Variants in MAGI2 observed in about 807,000 individuals in gnomAD.
MAGI2 encodes the protein membrane associated guanylate kinase, WW and PDZ domain containing 2.
In MAGI2, 35 loss-of-function variants were observed where a neutral mutation model predicts 133.3. The ratio of observed to expected loss-of-function variants is 0.26; its 90% confidence interval spans 0.20 to 0.35. MAGI2 has a LOEUF of 0.35. MAGI2 is among the 10% of genes least tolerant of loss of function. The probability of loss-of-function intolerance (pLI) is 1.00; values close to 1 mark genes in which losing one functional copy is unlikely to be tolerated. For missense variants in MAGI2, 1,636 were observed against 1,863.4 expected (o/e 0.88, Z 2.25); for synonymous variants, 729 against 710.6 (o/e 1.03, Z -0.41).
At chr7:78,628,087 G>A (rs1214917034) in intron 2 of MAGI2, among the ~76,000 whole-genome samples, 1 of 152,180 alleles carries the variant, frequency 6.6e-6, no homozygotes, top group African/African-American at 2.4e-5. Context: ...GCTCAGTCCA[G>A]CTCTCCTGAA....
At chr7:79,021,402 T>C (rs1160931823) in intron 1 of MAGI2, among the ~76,000 whole-genome samples, 1 of 152,218 alleles carries the variant, frequency 6.6e-6, no homozygotes, top group African/African-American at 2.4e-5. Flanking sequence ...GGAGGGGGCC[T>C]GTACCCTGAA....
At chr7:78,269,625 G>A (rs1324766995) in intron 9 of MAGI2, among the ~76,000 whole-genome samples, 2 of 151,998 alleles carry the variant, frequency 1.3e-5, no homozygotes, top group African/African-American at 4.8e-5. Flanking sequence ...CTTTTTGATG[G>A]GGTTGTTTGA....
At chr7:78,941,917 T>C (rs1801019344) in intron 2 of MAGI2, among the ~76,000 whole-genome samples, 1 of 152,022 alleles carries the variant, frequency 6.6e-6, no homozygotes, top group Non-Finnish European at 1.5e-5. Flanking sequence ...ATAAAACTCA[T>C]CTCCATCACA....
In MAGI2 at chr7:78,540,034, G is replaced by A. The variant is rs1021742775; in HGVS notation, c.539-18389C>T. ...GGTTGGCCTCCAGCCAGGAGGTGGCGCTTTCAAGAGCGCATCAGCTGTGAT... is the reference window on the plus strand; with the variant it reads ...GGTTGGCCTCCAGCCAGGAGGTGGCACTTTCAAGAGCGCATCAGCTGTGAT... On this transcript the variant is annotated intron_variant, in intron 3 of 21. Coordinates refer to ENST00000354212, the MANE Select transcript of MAGI2 (RefSeq NM_012301.4). Among the ~76,000 whole-genome samples, 9 of 152,210 alleles carry A rather than the reference G, an allele frequency of 5.9e-5. No homozygotes were observed. In the East Asian group the frequency reaches 7.7e-4, roughly 13 times the overall value.
intron 19 of MAGI2, among the ~76,000 whole-genome samples, chr7:78,126,345 C>T (rs1310926888): frequency 6.6e-6 from 1 of 152,142 alleles, no homozygotes; most frequent in Non-Finnish European, 1.5e-5. Flanking sequence ...TCTCTTTTAC[C>T]TAAAATGCAG....
intron 2 of MAGI2, among the ~76,000 whole-genome samples, chr7:78,827,112 A>G (rs148966769): frequency 7.5e-4 from 114 of 152,286 alleles, no homozygotes; most frequent in African/African-American, 2.6e-3. Flanking sequence ...AAATATTTAT[A>G]GATGTTTATA....
chr7:79,353,418 C>A (rs919933290), intron 1 of MAGI2: 2 of 454,930 alleles, frequency 4.4e-6, no homozygotes, highest in Non-Finnish European at 8.8e-6. Context: ...ATCAACAACT[C>A]CCAGAGCTTC....
chr7:79,399,090 C>CTTTTTTTTT lies in MAGI2; in HGVS notation c.301+53929_301+53930insAAAAAAAAA, dbSNP rs1337058211. Among the ~76,000 whole-genome samples, 74 of 101,456 alleles carry CTTTTTTTTT rather than the reference C, an allele frequency of 7.3e-4. 1 individual carries two copies. The highest frequency in any genetic ancestry group is 3.6e-3 in the African/African-American group (71 of 19,650). The allele number at this position is 101,456 out of a possible 152,430, so 66.6% of individuals were successfully genotyped here. A position where few individuals can be genotyped will look rare whatever the true frequency, so the allele number is the denominator to read the frequency against. On this transcript the variant is annotated intron_variant, in intron 1 of 21. Coordinates refer to ENST00000354212, the MANE Select transcript of MAGI2 (RefSeq NM_012301.4). ...CACTAGTATTATTTCTTTTTTTTTTCTTTTCTTTTTTTTTTTTTTTGGGAG... is the reference window on the plus strand; with the variant it reads ...CACTAGTATTATTTCTTTTTTTTTTCTTTTTTTTTTTTTCTTTTTTTTTTTTTTTGGGAG...
At chr7:79,250,348 C>CAAAAAAAAAAAAAAAAAA (rs61147108) in intron 1 of MAGI2, among the ~76,000 whole-genome samples, 1 of 130,530 alleles carries the variant, frequency 7.7e-6, no homozygotes, top group Admixed American at 7.6e-5. Flanking sequence ...ATGACTCTAC[C>CAAAAAAAAAAAAAAAAAA]AAAAAAAAAA....
chr7:78,402,424 G>T (rs1297384252), intron 6 of MAGI2, among the ~76,000 whole-genome samples: 2 of 151,774 alleles, frequency 1.3e-5, no homozygotes, highest in African/African-American at 4.8e-5. Context: ...TTTCCACCTG[G>T]GGTATGCATG....
At chr7:78,707,396 T>C (rs1467901085) in intron 2 of MAGI2, among the ~76,000 whole-genome samples, 1 of 152,262 alleles carries the variant, frequency 6.6e-6, no homozygotes, top group Non-Finnish European at 1.5e-5. Flanking sequence ...TTATTGGATA[T>C]GCCTAAATAT....
At chr7:78,964,319 A>G (rs943650117) in intron 2 of MAGI2, among the ~76,000 whole-genome samples, 1 of 151,998 alleles carries the variant, frequency 6.6e-6, no homozygotes, top group African/African-American at 2.4e-5. Flanking sequence ...ATATACTTTT[A>G]TAGCATACTT....
chr7:78,927,679 T>C (rs1461563463), intron 2 of MAGI2, among the ~76,000 whole-genome samples: 2 of 151,982 alleles, frequency 1.3e-5, no homozygotes, highest in Non-Finnish European at 2.9e-5. Flanking sequence ...AGATATCTCT[T>C]ACACAACTCC....
chr7:79,097,227 T>C (rs1817592051), intron 1 of MAGI2, among the ~76,000 whole-genome samples: 1 of 152,198 alleles, frequency 6.6e-6, no homozygotes, highest in Non-Finnish European at 1.5e-5. Flanking sequence ...AACTGAGACA[T>C]AGACATATCA....
chr7:79,392,407 G>C (rs1038523854), intron 1 of MAGI2, among the ~76,000 whole-genome samples: 4 of 152,072 alleles, frequency 2.6e-5, no homozygotes, highest in Admixed American at 6.6e-5. Context: ...TGGTATTTCT[G>C]GTTCTAGATC....
intron 11 of MAGI2, among the ~76,000 whole-genome samples, chr7:78,196,539 G>A (rs142639754): frequency 1.8e-4 from 27 of 152,194 alleles, no homozygotes; most frequent in East Asian, 1.7e-3. Flanking sequence ...CTATATTTTT[G>A]TCGGGGCTCT....
intron 20 of MAGI2, among the ~76,000 whole-genome samples, chr7:78,079,488 G>C (rs1815725010): frequency 6.6e-6 from 1 of 152,282 alleles, no homozygotes; most frequent in Non-Finnish European, 1.5e-5. Flanking sequence ...ATTGCCAACT[G>C]TCAACTTAGT....
intron 6 of MAGI2, among the ~76,000 whole-genome samples, chr7:78,395,213 C>CA (rs1404436693): frequency 1.3e-5 from 2 of 150,520 alleles, no homozygotes; most frequent in African/African-American, 4.9e-5. Context: ...ATGGGAAAAA[C>CA]AAAAAAGAAA....
chr7:78,232,737 C>T (rs370963117), intron 10 of MAGI2, among the ~76,000 whole-genome samples: 1 of 152,144 alleles, frequency 6.6e-6, no homozygotes. Flanking sequence ...ATGTGAGGTG[C>T]TGGGACAGTC....
Sources: gnomAD v4.1 joint callset for allele counts (sites outside exome capture counted in the v4.1 genomes callset) on GRCh38, gnomAD v4.1.1 for gene constraint, MANE v1.5 for transcripts, NCBI Gene and HGNC (gene_info 2026-07-23, HGNC 2026-07-21) for gene names.